The following AUTS2 variants were observed in gnomAD, a reference collection of about 807,000 sequenced individuals.
AUTS2 encodes the protein activator of transcription and developmental regulator AUTS2.
AUTS2 carries 17 observed loss-of-function variants against 112.4 expected under a neutral mutation model. The observed-to-expected ratio is 0.15, with a 90% CI of 0.10 to 0.23. The LOEUF (loss-of-function observed/expected upper bound fraction) is 0.23. Ranked by LOEUF, AUTS2 falls within the 10% of genes least tolerant of loss-of-function variation. AUTS2 has a pLI of 1.00. For missense variants in AUTS2, 1,510 were observed against 1,701.6 expected (o/e 0.89, Z 1.98); for synonymous variants, 751 against 702.7 (o/e 1.07, Z -1.09).
intron 6 of AUTS2, among the ~76,000 whole-genome samples, chr7:70,709,951 C>T (rs981123137): frequency 1.3e-5 from 2 of 152,028 alleles, no homozygotes; most frequent in Admixed American, 6.5e-5. Flanking sequence ...GATTGAGCCC[C>T]GGCACAAGGG....
At chr7:69,776,000 C>G (rs1198028034) in intron 1 of AUTS2, among the ~76,000 whole-genome samples, 2 of 152,172 alleles carry the variant, frequency 1.3e-5, no homozygotes, top group Non-Finnish European at 2.9e-5. Flanking sequence ...CTAGCCAGAG[C>G]TGGATTTGAT....
intron 1 of AUTS2, among the ~76,000 whole-genome samples, chr7:69,739,727 A>G (rs1007660943): frequency 1.3e-5 from 2 of 152,216 alleles, no homozygotes; most frequent in African/African-American, 4.8e-5. Context: ...ATTTGAGTTG[A>G]AAGAATTGGC....
intron 9 of AUTS2, 110 bp from the exon 10 acceptor site, chr7:70,767,913 TG>T: frequency 2.0e-6 from 2 of 981,268 alleles, no homozygotes; most frequent in Non-Finnish European, 3.2e-6. Flanking sequence ...AATGAGGTTA[TG>T]GGGTCTCATG....
At chr7:70,113,692 T>C (rs1297110676) in intron 2 of AUTS2, among the ~76,000 whole-genome samples, 1 of 152,198 alleles carries the variant, frequency 6.6e-6, no homozygotes, top group African/African-American at 2.4e-5. Flanking sequence ...TCCTCTCAAA[T>C]TCCAGGCATA....
intron 1 of AUTS2, among the ~76,000 whole-genome samples, chr7:69,703,418 T>A (rs1797911504): frequency 6.6e-6 from 1 of 152,208 alleles, no homozygotes; most frequent in Non-Finnish European, 1.5e-5. Context: ...TGCTTCTTCT[T>A]AAATGCCTGA....
intron 1 of AUTS2, among the ~76,000 whole-genome samples, chr7:69,884,418 G>T (rs1161102777): frequency 1.3e-5 from 2 of 152,066 alleles, no homozygotes; most frequent in East Asian, 1.9e-4. Context: ...TAAAAGTATC[G>T]ACAGCATTTC....
At chr7:69,989,753 T>C (rs1798664657) in intron 2 of AUTS2, among the ~76,000 whole-genome samples, 1 of 152,166 alleles carries the variant, frequency 6.6e-6, no homozygotes, top group Non-Finnish European at 1.5e-5. Context: ...GCCATGGAAC[T>C]GGTACCTGTC....
intron 5 of AUTS2, among the ~76,000 whole-genome samples, chr7:70,473,885 G>T (rs1303665322): frequency 6.6e-6 from 1 of 152,054 alleles, no homozygotes; most frequent in Admixed American, 6.5e-5. Flanking sequence ...AATGGTGAAG[G>T]TTCTATGTTA....
intron 2 of AUTS2, among the ~76,000 whole-genome samples, chr7:70,043,543 CCCTCCCTTCCTT>C (rs1038567180): frequency 3.0e-5 from 4 of 132,548 alleles, no homozygotes; most frequent in Non-Finnish European, 3.2e-5. Flanking sequence ...TTGCCTCCTT[CCCTCCCTTCCTT>C]CCTTCCTTCC....
intron 2 of AUTS2, among the ~76,000 whole-genome samples, chr7:70,010,642 G>A (rs1463794311): frequency 6.6e-6 from 1 of 152,114 alleles, no homozygotes; most frequent in African/African-American, 2.4e-5. Flanking sequence ...TTTTAGCCAT[G>A]GAGATTTTGC....
intron 4 of AUTS2, among the ~76,000 whole-genome samples, chr7:70,207,551 A>G (rs567634892): frequency 1.3e-5 from 2 of 152,344 alleles, no homozygotes; most frequent in Non-Finnish European, 2.9e-5. Context: ...TTCTTGCTTC[A>G]TCATTTACTG....
chr7:70,001,642 A>G (rs1459187576), intron 2 of AUTS2, among the ~76,000 whole-genome samples: 1 of 152,168 alleles, frequency 6.6e-6, no homozygotes, highest in Non-Finnish European at 1.5e-5. Context: ...CTATAAGGTA[A>G]TACCTGCCTG....
At chr7:70,422,236 C>CA (rs1308546443) in intron 4 of AUTS2, among the ~76,000 whole-genome samples, 1 of 151,920 alleles carries the variant, frequency 6.6e-6, no homozygotes, top group Non-Finnish European at 1.5e-5. Flanking sequence ...TGTAAAAAAA[C>CA]AAAAAAAGAA....
At chr7:70,641,836 C>T (rs1805848121) in intron 5 of AUTS2, among the ~76,000 whole-genome samples, 1 of 152,214 alleles carries the variant, frequency 6.6e-6, no homozygotes, top group African/African-American at 2.4e-5. Flanking sequence ...TTTCTTGTCA[C>T]TCCACATAAC....
chr7:70,455,881 TAC>T (rs1444465006), intron 5 of AUTS2, among the ~76,000 whole-genome samples: 1 of 152,152 alleles, frequency 6.6e-6, no homozygotes, highest in Non-Finnish European at 1.5e-5. Context: ...GCCTGGCAAA[TAC>T]ACAGTTTTTA....
chr7:69,987,264 G>A (rs1798549219), intron 2 of AUTS2, among the ~76,000 whole-genome samples: 1 of 152,156 alleles, frequency 6.6e-6, no homozygotes, highest in South Asian at 2.1e-4. Context: ...GAAGACTTTT[G>A]TAGATTAAAG....
At chr7:70,528,105 T>TATTA (rs67532733) in intron 5 of AUTS2, among the ~76,000 whole-genome samples, 4 of 112,780 alleles carry the variant, frequency 3.5e-5, no homozygotes, top group African/African-American at 9.1e-5. Context: ...TTTTTTTTTT[T>TATTA]TTTTTTTTTT....
At chr7:69,814,088 G>T (rs1403206101) in intron 1 of AUTS2, among the ~76,000 whole-genome samples, 1 of 152,146 alleles carries the variant, frequency 6.6e-6, no homozygotes, top group African/African-American at 2.4e-5. Flanking sequence ...TTCCATTGAG[G>T]CTCTCCTTGC....
chr7:69,763,094 CT>C (rs1788265218), intron 1 of AUTS2, among the ~76,000 whole-genome samples: 1 of 152,180 alleles, frequency 6.6e-6, no homozygotes, highest in Non-Finnish European at 1.5e-5. Context: ...AGAGGATGAA[CT>C]TAAAAATAAT....
Sources: allele counts gnomAD v4.1 joint callset (sites outside exome capture counted in the v4.1 genomes callset), GRCh38; gene constraint gnomAD v4.1.1; transcripts MANE v1.5; gene names NCBI Gene and HGNC (gene_info 2026-07-23, HGNC 2026-07-21).